TENM4: variants seen among roughly 807,000 people sequenced by gnomAD.
The protein encoded by TENM4 is teneurin-4.
TENM4 carries 82 observed loss-of-function variants against 243.3 expected under a neutral mutation model. That is an observed-to-expected ratio of 0.34 (90% confidence interval 0.28 to 0.40). The LOEUF is 0.40. Ranked by LOEUF, TENM4 falls within the 10% of genes least tolerant of loss-of-function variation. The pLI is 1.00. For missense variants in TENM4, 3,138 were observed against 3,673.3 expected, an observed-to-expected ratio of 0.85 and a Z score of 3.77; for synonymous variants, 1,412 against 1,456.3, an observed-to-expected ratio of 0.97 and a Z score of 0.69.
chr11:79,117,156 G>A (rs192016823), intron 4 of TENM4, among the ~76,000 whole-genome samples: 10 of 152,152 alleles, frequency 6.6e-5, no homozygotes, highest in Admixed American at 2.6e-4. Flanking sequence ...TGTAATAAAC[G>A]CCTAACCCTG....
intron 3 of TENM4, among the ~76,000 whole-genome samples, chr11:79,152,240 C>T (rs1454286827): frequency 6.6e-6 from 1 of 152,124 alleles, no homozygotes. Context: ...CAACCAGGAA[C>T]TGAAAACCCA....
intron 4 of TENM4, among the ~76,000 whole-genome samples, chr11:79,077,434 G>C (rs1258513819): frequency 6.6e-6 from 1 of 152,190 alleles, no homozygotes; most frequent in African/African-American, 2.4e-5. Context: ...GTTTAGATCT[G>C]TGGCTTTCAA....
intron 1 of TENM4, among the ~76,000 whole-genome samples, chr11:79,335,781 C>T (rs61882486): frequency 0.072 from 11,009 of 152,232 alleles, 464 homozygotes; most frequent in African/African-American, 0.088. Flanking sequence ...CTGCCAACTC[C>T]CCCGACTGAG....
intron 6 of TENM4, among the ~76,000 whole-genome samples, chr11:79,023,664 C>A (rs952485621): frequency 1.3e-5 from 2 of 152,038 alleles, no homozygotes; most frequent in African/African-American, 2.4e-5. Flanking sequence ...ATCTGCTTCA[C>A]TGTTAATTAA....
At position 78,982,577 on chromosome 11, in the gene TENM4, T is replaced by C. The variant is rs530306473; in HGVS notation, c.494-79054A>G. On this transcript the variant is annotated intron_variant, in intron 6 of 33. Transcript: ENST00000278550. ...CCTCTGGCTCTCCTCACACCCCCAA[T>C]AGGCCCTGTGGCCCAGGGATGCATT... is the stretch of plus-strand genomic sequence containing the variant. Among the ~76,000 whole-genome samples, 3 of 152,232 alleles carry C rather than the reference T, an allele frequency of 2.0e-5. No individual in the cohort carries two copies. The East Asian group carries it at 5.8e-4, about 29-fold the overall frequency.
intron 27 of TENM4, among the ~76,000 whole-genome samples, chr11:78,707,154 C>A (rs1197388474): frequency 6.6e-6 from 1 of 152,144 alleles, no homozygotes; most frequent in East Asian, 1.9e-4. Flanking sequence ...GTGCAGGCTC[C>A]CCTAAAAATG....
intron 15 of TENM4, among the ~76,000 whole-genome samples, chr11:78,788,484 G>A (rs961716625): frequency 2.0e-5 from 3 of 152,234 alleles, no homozygotes; most frequent in African/African-American, 4.8e-5. Flanking sequence ...GTGACCTGGG[G>A]CAGGTCCCTT....
chr11:79,402,364 A>G (rs757338224), intron 1 of TENM4, among the ~76,000 whole-genome samples: 1 of 152,242 alleles, frequency 6.6e-6, no homozygotes, highest in Non-Finnish European at 1.5e-5. Flanking sequence ...AACATTTTAC[A>G]ACTTATTTTC....
chr11:79,275,038 T>A (rs1480285139), intron 2 of TENM4, among the ~76,000 whole-genome samples: 1 of 152,188 alleles, frequency 6.6e-6, no homozygotes, highest in African/African-American at 2.4e-5. Flanking sequence ...ACACTTTGGA[T>A]CCCTGTAAAA....
In TENM4 at chr11:79,215,831, G is replaced by A. The variant is rs6592834; in HGVS notation, c.-186C>T. The A allele has an allele frequency of 6.7e-3, 6,594 of 985,760 alleles. 340 individuals carry two copies. In the African/African-American group the frequency reaches 0.1, roughly 15 times the overall value. The allele number at this position is 985,760 out of a possible 1,614,324, so 61.1% of individuals were successfully genotyped here. A position where few individuals can be genotyped will look rare whatever the true frequency, so the allele number is the denominator to read the frequency against. On this transcript the variant is annotated 5_prime_UTR_variant, in exon 3 of 34. The change creates a premature stop within an existing upstream ORF in the 5' untranslated region. Coordinates refer to ENST00000278550, the MANE Select transcript of TENM4 (RefSeq NM_001098816.3). ...ACCTGGCTCCATGTCAGCACGTTCT[G>A]AAGAGTCAGCAATGTCCGTGGGCCC...
At chr11:78,670,654 A>G (rs1858300279) in intron 31 of TENM4, 103 bp from the exon 32 acceptor site, 2 of 1,174,182 alleles carry the variant, frequency 1.7e-6, no homozygotes, top group African/African-American at 3.1e-5. Flanking sequence ...TCCAAGGAGA[A>G]TCCTGAGTTT....
At chr11:78,942,108 TA>T (rs34713120) in intron 6 of TENM4, among the ~76,000 whole-genome samples, 12,795 of 118,978 alleles carry the variant, frequency 0.11, 556 homozygotes, top group Middle Eastern at 0.23. Flanking sequence ...GCTGATGAGC[TA>T]AAAAAAAAAA....
chr11:79,415,047 T>C (rs536694956), intron 1 of TENM4, among the ~76,000 whole-genome samples: 3 of 152,120 alleles, frequency 2.0e-5, no homozygotes, highest in Non-Finnish European at 2.9e-5. Context: ...CCCCACCACT[T>C]TGCAGCCCTG....
intron 6 of TENM4, among the ~76,000 whole-genome samples, chr11:78,937,708 TC>T (rs1441196130): frequency 6.6e-6 from 1 of 152,192 alleles, no homozygotes; most frequent in Admixed American, 6.5e-5. Flanking sequence ...AAGCTGTTCA[TC>T]TGGCCTTCTA....
At chr11:79,247,964 T>C (rs948389598) in intron 2 of TENM4, among the ~76,000 whole-genome samples, 3 of 152,218 alleles carry the variant, frequency 2.0e-5, no homozygotes, top group African/African-American at 7.2e-5. Flanking sequence ...GCCAGATCTT[T>C]GTAGGAGGGC....
intron 2 of TENM4, among the ~76,000 whole-genome samples, chr11:79,275,233 G>GTA (rs887208130): frequency 7.0e-6 from 1 of 143,598 alleles, no homozygotes; most frequent in African/African-American, 2.7e-5. Flanking sequence ...CGGGGTGTGT[G>GTA]TGTGTGTGTC....
chr11:78,949,031 C>T (rs1419676371), intron 6 of TENM4, among the ~76,000 whole-genome samples: 1 of 152,138 alleles, frequency 6.6e-6, no homozygotes, highest in Non-Finnish European at 1.5e-5. Context: ...CTAATCTCCC[C>T]ACTATAAAGT....
intron 1 of TENM4, among the ~76,000 whole-genome samples, chr11:79,359,277 C>T (rs1857551320): frequency 6.6e-6 from 1 of 152,074 alleles, no homozygotes; most frequent in Non-Finnish European, 1.5e-5. Flanking sequence ...AGAATGAATC[C>T]AGTATTAAAC....
intron 1 of TENM4, among the ~76,000 whole-genome samples, chr11:79,389,791 A>T (rs951686902): frequency 6.6e-6 from 1 of 152,218 alleles, no homozygotes; most frequent in African/African-American, 2.4e-5. Context: ...AAAAGTACTC[A>T]ATTATTATTA....
Sources: allele counts gnomAD v4.1 joint callset (sites outside exome capture counted in the v4.1 genomes callset), GRCh38; gene constraint gnomAD v4.1.1; transcripts MANE v1.5; gene names NCBI Gene and HGNC (gene_info 2026-07-23, HGNC 2026-07-21).